The following OR11A1 variants were observed in gnomAD, a reference collection of about 807,000 sequenced individuals.
The protein encoded by OR11A1 is olfactory receptor family 11 subfamily A member 1, also known as olfactory receptor 11A1.
For missense variants in OR11A1, 380 were observed against 378.2 expected (o/e 1.00, Z -0.04); for synonymous variants, 158 against 152.2 (o/e 1.04, Z -0.28).
At chr6:29,427,821 G>A (rs1328339209) in intron 4 of OR11A1, 89 bp from the exon 5 acceptor site, 2 of 971,540 alleles carry the variant, frequency 2.1e-6, no homozygotes, top group East Asian at 5.3e-5. Flanking sequence ...CTTCTTAGTT[G>A]TCATTCCTTC....
In OR11A1 at chr6:29,449,252, A is replaced by G. The variant is rs115189745; in HGVS notation, c.-389+7735T>C. ...TCAGTTATAACAAATTACCACTCTA[A>G]TATGGGATGTTGTTAGTAGGAGAGT... On this transcript the variant is annotated intron_variant, in intron 1 of 4. Transcript: ENST00000377149. Among the ~76,000 whole-genome samples, 1,177 of 152,302 alleles carry G rather than the reference A, an allele frequency of 7.7e-3. 22 individuals are homozygous for G. The highest frequency in any genetic ancestry group is 0.027 in the African/African-American group (1,112 of 41,548).
chr6:29,445,665 A>T (rs1486180287), intron 1 of OR11A1, among the ~76,000 whole-genome samples: 1 of 152,100 alleles, frequency 6.6e-6, no homozygotes, highest in African/African-American at 2.4e-5. Flanking sequence ...GGATTCACAA[A>T]TCAGTGCCCT....
chr6:29,455,874 C>CAAA lies in OR11A1; in HGVS notation c.-389+1110_-389+1112dup, dbSNP rs9256960. Among the ~76,000 whole-genome samples the CAAA allele has an allele frequency of 9.1e-3, 735 of 80,722 alleles. 22 individuals carry two copies. Among genetic ancestry groups the CAAA allele is most frequent in the African/African-American group, 0.031 (603 of 19,220 alleles). The allele number at this position is 80,722 out of a possible 152,430, so 53.0% of individuals were successfully genotyped here. ...CTAGGAGACAGAATGAGACTTGTCTCAAAAAAAAAAAAAAAAAAAAGGAAA... is the reference window on the plus strand; with the variant it reads ...CTAGGAGACAGAATGAGACTTGTCTCAAAAAAAAAAAAAAAAAAAAAAAGGAAA... On this transcript the variant is annotated intron_variant, in intron 1 of 4. Coordinates refer to ENST00000377149, the MANE Select transcript of OR11A1 (RefSeq NM_001394828.1).
rs1213131891 is a variant in OR11A1, at chr6:29,453,655, A to G, written c.-389+3332T>C. Among the ~76,000 whole-genome samples, 1 of 152,204 alleles carries G rather than the reference A, an allele frequency of 6.6e-6. No homozygotes were observed. The highest frequency in any genetic ancestry group is 2.1e-4 in the South Asian group (1 of 4,826). ...TTTTAATGAGGCGAACAGTGAACCT[A>G]TCAGAAATGTAATGGGAAGATGCTG... On this transcript the variant is annotated intron_variant, in intron 1 of 4. Transcript: ENST00000377149. This position sits in a 1 kb window ranked among gnomAD's most constrained non-coding sequence, Gnocchi z 4.5.
intron 1 of OR11A1, among the ~76,000 whole-genome samples, chr6:29,433,541 A>G (rs1458997985): frequency 6.6e-6 from 1 of 152,170 alleles, no homozygotes; most frequent in African/African-American, 2.4e-5. Context: ...ATAGTATTCC[A>G]CTATGCATAT....
rs1783065736 is a variant in OR11A1, at chr6:29,428,908, C to T, written c.-92+5G>A. 2 of 964,580 alleles carry T rather than the reference C, an allele frequency of 2.1e-6. No homozygotes were observed. Among genetic ancestry groups the T allele is most frequent in the Non-Finnish European group, 2.5e-6 (2 of 811,744 alleles). 59.8% of individuals were successfully genotyped at this position (964,580 alleles called of 1,614,324 possible). The stretch of plus-strand genomic sequence containing the variant: ...TCTAAATATCTGAAAATGGCTCTGT[C>T]ATACCTGCTGGAAGGTTTTCATATG... On this transcript the variant is annotated splice_donor_5th_base_variant and intron_variant, in intron 4 of 4. Transcript: ENST00000377149.
At chr6:29,432,146 G>T (rs1033355148) in intron 1 of OR11A1, 159 bp from the exon 2 acceptor site, 8 of 309,278 alleles carry the variant, frequency 2.6e-5, no homozygotes, top group Non-Finnish European at 3.3e-5. Context: ...GCAGGAAATT[G>T]CCACAAAGGG....
At position 29,450,732 on chromosome 6, in the gene OR11A1, AAACATTCC is replaced by A. The variant is rs1260581965; in HGVS notation, c.-389+6247_-389+6254del. 3.9e-5 allele frequency among the ~76,000 whole-genome samples: 6 copies of A among 152,282 alleles called. No individual in the cohort carries two copies. In the East Asian group the frequency reaches 1.2e-3, roughly 29 times the overall value. On this transcript the variant is annotated intron_variant, in intron 1 of 4. Coordinates refer to ENST00000377149, the MANE Select transcript of OR11A1 (RefSeq NM_001394828.1). Reference sequence around the variant, plus strand: ...AGACAACACACACAAAAAATGGAAAAAACATTCCATGTTCATGAATAGGAAGAATCCGT... The same window carrying A: ...AGACAACACACACAAAAAATGGAAAAATGTTCATGAATAGGAAGAATCCGT...
intron 1 of OR11A1, among the ~76,000 whole-genome samples, chr6:29,436,849 T>C (rs1186009961): frequency 6.6e-6 from 1 of 152,186 alleles, no homozygotes; most frequent in Non-Finnish European, 1.5e-5. Context: ...AAAGATAAAA[T>C]ACGGAATTCA....
In OR11A1 at chr6:29,425,997, A is replaced by T. The variant is rs902861187; in HGVS notation, c.*697T>A. 1 of 152,256 alleles carries T rather than the reference A, an allele frequency of 6.6e-6. No homozygotes were observed. The highest frequency in any genetic ancestry group is 2.4e-5 in the African/African-American group (1 of 41,460). 9.4% of individuals were successfully genotyped at this position (152,256 alleles called of 1,614,324 possible). ...AGAATAAAGAAATAGATGCTTGTTA[A>T]TAGAAAAAGTTGTTCGTGACACAGT... On this transcript the variant is annotated 3_prime_UTR_variant, in exon 5 of 5. Coordinates refer to ENST00000377149, the MANE Select transcript of OR11A1 (RefSeq NM_001394828.1).
chr6:29,440,467 G>A, intron 1 of OR11A1: 1 of 1,613,966 alleles, frequency 6.2e-7, no homozygotes, highest in Non-Finnish European at 8.5e-7. Context: ...TGGGCCTGTG[G>A]GGTGCTGGTG....
At position 29,426,944 on chromosome 6, in the gene OR11A1, GC is replaced by G. The variant is rs1782857169; in HGVS notation, c.697del (p.Ala233GlnfsTer14). 5.6e-6 allele frequency: 9 copies of G among 1,613,056 alleles called. No individual in the cohort carries two copies. The highest frequency in any genetic ancestry group is 7.6e-6 in the Non-Finnish European group (9 of 1,180,014). ...TGTGGAGAAAGCCCTTCTCCTGCTT[GC>G]CCCAGCAGGAACTCTCAGCACTGCC... The part of the protein sequence containing the change: ...VVAVLRVPAG[A>X]SRRRAFSTCS... On this transcript the variant is annotated frameshift_variant, in exon 5 of 5. Transcript: ENST00000377149. LOFTEE classifies it low-confidence loss of function (END_TRUNC).
chr6:29,429,396 T>TA (rs1208936972), intron 3 of OR11A1, among the ~76,000 whole-genome samples: 1 of 152,226 alleles, frequency 6.6e-6, no homozygotes, highest in African/African-American at 2.4e-5. Flanking sequence ...AATCATGTAC[T>TA]AAGGATCTAG....
chr6:29,440,034 A>C (rs1041029440), intron 1 of OR11A1: 2 of 1,613,080 alleles, frequency 1.2e-6, no homozygotes, highest in Non-Finnish European at 1.7e-6. Flanking sequence ...AAACACCTCC[A>C]TGGTGACTGA....
chr6:29,449,235 A>C (rs1310518935), intron 1 of OR11A1, among the ~76,000 whole-genome samples: 3 of 152,202 alleles, frequency 2.0e-5, no homozygotes. Context: ...TATCAGTTAT[A>C]ACAAATTACC....
rs763072767 is a variant in OR11A1, at chr6:29,440,426, C to T, written c.-388-8439G>A. The stretch of plus-strand genomic sequence containing the variant: ...TCCGCTACCCACTGCTGCTGAGCCA[C>T]CGGGTGTGTCTACAGCTAGCTGGGT... On this transcript the variant is annotated intron_variant, in intron 1 of 4. Coordinates refer to ENST00000377149, the MANE Select transcript of OR11A1 (RefSeq NM_001394828.1). The T allele has an allele frequency of 1.9e-6, 3 of 1,614,070 alleles. No homozygotes were observed. Among genetic ancestry groups the T allele is most frequent in the Admixed American group, 1.7e-5 (1 of 60,036 alleles).
At chr6:29,452,608 T>A (rs1451591297) in intron 1 of OR11A1, among the ~76,000 whole-genome samples, 1 of 152,154 alleles carries the variant, frequency 6.6e-6, no homozygotes, top group Non-Finnish European at 1.5e-5. Flanking sequence ...CTATGAATTA[T>A]CTTTCAAATG....
chr6:29,436,398 G>A (rs1164733635), intron 1 of OR11A1, among the ~76,000 whole-genome samples: 2 of 152,100 alleles, frequency 1.3e-5, no homozygotes, highest in South Asian at 2.1e-4. Flanking sequence ...TGGATCTTAC[G>A]GAGAAAATGC....
At chr6:29,440,884 G>C (rs1389496409) in intron 1 of OR11A1, 1 of 1,613,708 alleles carries the variant, frequency 6.2e-7, no homozygotes, top group African/African-American at 1.3e-5. Context: ...ATCATCTACA[G>C]CCTGCGGAAC....
Sources: allele counts gnomAD v4.1 joint callset (sites outside exome capture counted in the v4.1 genomes callset), GRCh38; gene constraint gnomAD v4.1.1; non-coding constraint Gnocchi (gnomAD v3.1); transcripts MANE v1.5; gene names NCBI Gene and HGNC (gene_info 2026-07-23, HGNC 2026-07-21).